The following KCNQ3 variants were observed in gnomAD, a reference collection of about 807,000 sequenced individuals.
KCNQ3 encodes the protein potassium voltage-gated channel subfamily KQT member 3.
Under a neutral mutation model 92.5 loss-of-function variants are expected in KCNQ3, and 30 were observed. The ratio of observed to expected loss-of-function variants is 0.32; its 90% confidence interval spans 0.24 to 0.44. KCNQ3 has a LOEUF of 0.44. Among genes scored for constraint, KCNQ3 ranks in the 20% least tolerant of loss-of-function variants. The probability of loss-of-function intolerance (pLI) is 1.00; values close to 1 mark genes in which losing one functional copy is unlikely to be tolerated. For missense variants in KCNQ3, 913 were observed against 1,140.3 expected (o/e 0.80, Z 2.87); for synonymous variants, 450 against 468.8 (o/e 0.96, Z 0.52).
intron 1 of KCNQ3, among the ~76,000 whole-genome samples, chr8:132,299,955 C>T (rs1487132316): frequency 2.0e-5 from 3 of 152,216 alleles, no homozygotes; most frequent in East Asian, 3.9e-4. Flanking sequence ...TCTCTTAGAA[C>T]TCCCTGGACA....
chr8:132,403,932 G>A (rs890047017), intron 1 of KCNQ3, among the ~76,000 whole-genome samples: 1 of 152,192 alleles, frequency 6.6e-6, no homozygotes, highest in African/African-American at 2.4e-5. Flanking sequence ...TCACCAAGGG[G>A]CCAGAGCCAT....
intron 1 of KCNQ3, among the ~76,000 whole-genome samples, chr8:132,189,748 C>T (rs1457275221): frequency 1.3e-5 from 2 of 151,772 alleles, no homozygotes; most frequent in Non-Finnish European, 2.9e-5. Flanking sequence ...ATCACTTGAA[C>T]CCGGGAGGCG....
chr8:132,332,481 C>T (rs1229552246), intron 1 of KCNQ3, among the ~76,000 whole-genome samples: 1 of 152,214 alleles, frequency 6.6e-6, no homozygotes, highest in African/African-American at 2.4e-5. Context: ...GTTCTATCTT[C>T]CAGGAACACA....
At position 132,168,717 on chromosome 8, in the gene KCNQ3, A is replaced by G. The variant is rs76444129; in HGVS notation, c.1235+1617T>C. On this transcript the variant is annotated intron_variant, in intron 8 of 14. Coordinates refer to ENST00000388996, the MANE Select transcript of KCNQ3 (RefSeq NM_004519.4). ...GAAAGAGAAATTGAGGATAATGAATATGTGTGTGTGTGTGTGTGTGTGTGT... is the reference window on the plus strand; with the variant it reads ...GAAAGAGAAATTGAGGATAATGAATGTGTGTGTGTGTGTGTGTGTGTGTGT... Among the ~76,000 whole-genome samples, 304 of 108,500 alleles carry G rather than the reference A, an allele frequency of 2.8e-3. 15 individuals are homozygous for G. Among genetic ancestry groups the G allele is most frequent in the African/African-American group, 8.9e-3 (232 of 26,200 alleles). 71.2% of individuals were successfully genotyped at this position (108,500 alleles called of 152,430 possible).
At chr8:132,431,172 G>A (rs1042065145) in intron 1 of KCNQ3, among the ~76,000 whole-genome samples, 103 of 152,116 alleles carry the variant, frequency 6.8e-4, no homozygotes, top group East Asian at 3.9e-4. Flanking sequence ...CAAACACCAC[G>A]CATCAGGACC....
chr8:132,155,108 CT>C (rs1825762529), intron 9 of KCNQ3, among the ~76,000 whole-genome samples: 1 of 152,174 alleles, frequency 6.6e-6, no homozygotes, highest in South Asian at 2.1e-4. Flanking sequence ...TCACCTGCCC[CT>C]GTGTCTCTAA....
intron 8 of KCNQ3, among the ~76,000 whole-genome samples, chr8:132,169,443 A>C (rs1300782069): frequency 6.6e-6 from 1 of 152,160 alleles, no homozygotes; most frequent in East Asian, 1.9e-4. Context: ...CCATAGAAAA[A>C]GGTTCTTATT....
chr8:132,149,686 A>G (rs563309718), intron 9 of KCNQ3, among the ~76,000 whole-genome samples: 12 of 152,296 alleles, frequency 7.9e-5, no homozygotes, highest in Admixed American at 7.8e-4. Flanking sequence ...GGCCACAGAC[A>G]CGCGCGCGGG....
intron 1 of KCNQ3, among the ~76,000 whole-genome samples, chr8:132,193,336 A>G (rs1437806841): frequency 6.6e-6 from 1 of 152,184 alleles, no homozygotes; most frequent in Non-Finnish European, 1.5e-5. Context: ...GGGAGGACAA[A>G]AGGGAACTGA....
At chr8:132,365,769 C>A (rs1313093295) in intron 1 of KCNQ3, among the ~76,000 whole-genome samples, 1 of 152,146 alleles carries the variant, frequency 6.6e-6, no homozygotes, top group Non-Finnish European at 1.5e-5. Context: ...GTGGCTCACA[C>A]CTGTAATCCT....
chr8:132,477,705 T>C (rs1822447504), intron 1 of KCNQ3, among the ~76,000 whole-genome samples: 2 of 152,210 alleles, frequency 1.3e-5, no homozygotes, highest in African/African-American at 2.4e-5. Flanking sequence ...GCTTCCTGAG[T>C]TCTGACCAGC....
intron 3 of KCNQ3, 110 bp from the exon 4 acceptor site, chr8:132,180,439 G>A (rs896707026): frequency 1.7e-6 from 2 of 1,183,618 alleles, no homozygotes; most frequent in African/African-American, 3.0e-5. Context: ...GTGCCAAGCA[G>A]TGGGACAATC....
At chr8:132,205,160 G>T (rs1171964003) in intron 1 of KCNQ3, among the ~76,000 whole-genome samples, 2 of 152,178 alleles carry the variant, frequency 1.3e-5, no homozygotes, top group African/African-American at 2.4e-5. Context: ...GCTGGATGGG[G>T]TTGTGTGGTA....
chr8:132,336,033 G>A (rs1367640765), intron 1 of KCNQ3, among the ~76,000 whole-genome samples: 1 of 152,200 alleles, frequency 6.6e-6, no homozygotes, highest in Non-Finnish European at 1.5e-5. Context: ...AAGTGTAGAA[G>A]GGAGCTGAGC....
chr8:132,265,830 A>G, intron 1 of KCNQ3, among the ~76,000 whole-genome samples: 1 of 152,178 alleles, frequency 6.6e-6, no homozygotes, highest in East Asian at 1.9e-4. Context: ...TGAAACACCC[A>G]TATACACACT....
chr8:132,352,083 A>T (rs559272383), intron 1 of KCNQ3, among the ~76,000 whole-genome samples: 1 of 152,312 alleles, frequency 6.6e-6, no homozygotes, highest in East Asian at 1.9e-4. Flanking sequence ...TCCTAATAAA[A>T]ATCCCATGCA....
At chr8:132,282,701 G>T (rs2130532674) in intron 1 of KCNQ3, among the ~76,000 whole-genome samples, 1 of 152,328 alleles carries the variant, frequency 6.6e-6, no homozygotes, top group South Asian at 2.1e-4. Flanking sequence ...AGGCACAAAG[G>T]CAGGTGCCAC....
chr8:132,208,466 A>G (rs1161452176), intron 1 of KCNQ3, among the ~76,000 whole-genome samples: 3 of 152,174 alleles, frequency 2.0e-5, no homozygotes, highest in Non-Finnish European at 4.4e-5. Context: ...TGTGAGCCAC[A>G]TCCGCTTCAG....
chr8:132,124,360 CAT>C lies in KCNQ3; in HGVS notation c.*4900_*4901del. 1 of 152,270 alleles carries C rather than the reference CAT, an allele frequency of 6.6e-6. No homozygotes were observed. Among genetic ancestry groups the C allele is most frequent in the East Asian group, 1.9e-4 (1 of 5,178 alleles). The allele number at this position is 152,270 out of a possible 1,614,324, so 9.4% of individuals were successfully genotyped here. A position where few individuals can be genotyped will look rare whatever the true frequency, so the allele number is the denominator to read the frequency against. On this transcript the variant is annotated 3_prime_UTR_variant, in exon 15 of 15. Coordinates refer to ENST00000388996, the MANE Select transcript of KCNQ3 (RefSeq NM_004519.4). ...GTCCATGCATACTGTAAAAAAATAA[CAT>C]AAATAACAGTCCCTAGTATGCATCA... is the stretch of plus-strand genomic sequence containing the variant.
Sources: gnomAD v4.1 joint callset for allele counts (sites outside exome capture counted in the v4.1 genomes callset) on GRCh38, gnomAD v4.1.1 for gene constraint, MANE v1.5 for transcripts, NCBI Gene and HGNC (gene_info 2026-07-23, HGNC 2026-07-21) for gene names.